Variants in SMPD3 observed in about 807,000 individuals in gnomAD.
SMPD3 encodes sphingomyelin phosphodiesterase 3, also known as nSMase-2.
In SMPD3, 21 loss-of-function variants were observed where a neutral mutation model predicts 55.7. The observed-to-expected ratio is 0.38, with a 90% CI of 0.27 to 0.54. SMPD3 has a LOEUF of 0.54. SMPD3 is among the 20% of genes least tolerant of loss of function. SMPD3 has a pLI of 0.80. For missense variants in SMPD3, 842 were observed against 899.6 expected, an observed-to-expected ratio of 0.94 and a Z score of 0.82; for synonymous variants, 457 against 404.3, an observed-to-expected ratio of 1.13 and a Z score of -1.56.
chr16:68,366,483 A>G (rs1010585814), intron 3 of SMPD3, among the ~76,000 whole-genome samples: 3 of 152,242 alleles, frequency 2.0e-5, no homozygotes, highest in Non-Finnish European at 4.4e-5. Flanking sequence ...GCCTAACAGC[A>G]TCCCCGCCCC....
At chr16:68,446,020 G>A (rs956409199) in intron 1 of SMPD3, among the ~76,000 whole-genome samples, 5 of 152,282 alleles carry the variant, frequency 3.3e-5, no homozygotes, top group Admixed American at 1.3e-4. Flanking sequence ...CAACGTCAGC[G>A]CCATGCCCTT....
At chr16:68,373,182 G>T (rs867034791) in intron 2 of SMPD3, among the ~76,000 whole-genome samples, 20 of 152,144 alleles carry the variant, frequency 1.3e-4, no homozygotes, top group African/African-American at 4.3e-4. Flanking sequence ...AGCTTTAACC[G>T]CTGTCCCTCA....
intron 1 of SMPD3, among the ~76,000 whole-genome samples, chr16:68,409,900 G>C (rs2090285302): frequency 6.6e-6 from 1 of 152,166 alleles, no homozygotes; most frequent in Admixed American, 6.5e-5. Flanking sequence ...CCAATGATTG[G>C]TTATTATCCT....
At chr16:68,405,591 G>T (rs1003340576) in intron 1 of SMPD3, among the ~76,000 whole-genome samples, 15 of 141,508 alleles carry the variant, frequency 1.1e-4, no homozygotes, top group African/African-American at 3.9e-4. Context: ...AATACAAAAA[G>T]AGAATAATTT....
At chr16:68,363,133 C>T (rs1390636168) in intron 7 of SMPD3, among the ~76,000 whole-genome samples, 8 of 152,164 alleles carry the variant, frequency 5.3e-5, no homozygotes, top group Non-Finnish European at 1.0e-4. Flanking sequence ...CTTCAGCAGG[C>T]GCCGTACCCA....
intron 2 of SMPD3, among the ~76,000 whole-genome samples, chr16:68,375,260 A>G (rs79978301): frequency 0.059 from 8,988 of 151,932 alleles, 365 homozygotes; most frequent in Non-Finnish European, 0.092. Context: ...CCCAGTCTGT[A>G]TCTAGGGGCC....
chr16:68,407,599 T>C (rs2090264637), intron 1 of SMPD3, among the ~76,000 whole-genome samples: 1 of 152,120 alleles, frequency 6.6e-6, no homozygotes, highest in African/African-American at 2.4e-5. Flanking sequence ...CCTCCCAAAG[T>C]GATGGGATTA....
chr16:68,419,056 G>A (rs1180353776), intron 1 of SMPD3, among the ~76,000 whole-genome samples: 3 of 152,306 alleles, frequency 2.0e-5, no homozygotes, highest in Admixed American at 2.0e-4. Flanking sequence ...TGGTCTATTT[G>A]TAGAAATAGG....
Position 68,404,787 on chromosome 16 carries a change from T to C in SMPD3, c.-268-18128A>G, listed in dbSNP as rs1398013285. Among the ~76,000 whole-genome samples, 1 of 152,166 alleles carries C rather than the reference T, an allele frequency of 6.6e-6. No homozygotes were observed. On this transcript the variant is annotated intron_variant, in intron 1 of 8. Transcript: ENST00000219334. This position sits in a 1 kb window ranked among gnomAD's most constrained non-coding sequence, Gnocchi z 4.0. ...TAGAAAATAAGTCTTTCCATCCAAA[T>C]TGGAAATGAAAAGGCCCTGGTACTT...
At chr16:68,414,745 C>T (rs886975975) in intron 1 of SMPD3, among the ~76,000 whole-genome samples, 1 of 152,244 alleles carries the variant, frequency 6.6e-6, no homozygotes, top group Admixed American at 6.5e-5. Context: ...GATTGAGTGG[C>T]ATGCCCTGAT....
chr16:68,384,594 G>C (rs899884452), intron 2 of SMPD3, among the ~76,000 whole-genome samples: 25 of 152,148 alleles, frequency 1.6e-4, no homozygotes, highest in Non-Finnish European at 2.9e-4. Flanking sequence ...TGACTCTGTG[G>C]GTTGTCTCTG....
chr16:68,391,583 C>T (rs1337808526), intron 1 of SMPD3, among the ~76,000 whole-genome samples: 1 of 152,106 alleles, frequency 6.6e-6, no homozygotes, highest in East Asian at 1.9e-4. Flanking sequence ...ATTCAGTGAT[C>T]AGTTATCCAT....
intron 1 of SMPD3, among the ~76,000 whole-genome samples, chr16:68,409,978 C>A (rs907609131): frequency 6.6e-6 from 1 of 152,352 alleles, no homozygotes; most frequent in East Asian, 1.9e-4. Flanking sequence ...AGAGGTTTCA[C>A]ACCTCATGGG....
At chr16:68,392,162 G>C (rs905012664) in intron 1 of SMPD3, among the ~76,000 whole-genome samples, 1 of 152,210 alleles carries the variant, frequency 6.6e-6, no homozygotes, top group Admixed American at 6.5e-5. Context: ...AGAGTGCTGG[G>C]ATTACAAGCA....
At chr16:68,428,146 C>T (rs1343089350) in intron 1 of SMPD3, among the ~76,000 whole-genome samples, 1 of 152,176 alleles carries the variant, frequency 6.6e-6, no homozygotes, top group Non-Finnish European at 1.5e-5. Flanking sequence ...GGGAAGTAAA[C>T]ATCATGGAGA....
chr16:68,417,797 C>A (rs562034548), intron 1 of SMPD3, among the ~76,000 whole-genome samples: 1 of 152,120 alleles, frequency 6.6e-6, no homozygotes, highest in African/African-American at 2.4e-5. Flanking sequence ...TCAAACCCTG[C>A]GTGGAATGAA....
chr16:68,435,400 G>T (rs899827645), intron 1 of SMPD3, among the ~76,000 whole-genome samples: 4 of 152,190 alleles, frequency 2.6e-5, no homozygotes, highest in Non-Finnish European at 5.9e-5. Context: ...ACCAGGTATT[G>T]CTCTAATATA....
chr16:68,439,166 G>C (rs1434493759), intron 1 of SMPD3, among the ~76,000 whole-genome samples: 1 of 152,168 alleles, frequency 6.6e-6, no homozygotes, highest in Non-Finnish European at 1.5e-5. Context: ...AAAGGTTAAA[G>C]CACTTGCCCA....
intron 1 of SMPD3, among the ~76,000 whole-genome samples, chr16:68,441,883 A>G (rs1253401151): frequency 2.0e-5 from 3 of 152,146 alleles, no homozygotes; most frequent in Non-Finnish European, 4.4e-5. Flanking sequence ...CTCCCATCTC[A>G]GCCTCCCAAG....
Sources: allele counts gnomAD v4.1 joint callset (sites outside exome capture counted in the v4.1 genomes callset), GRCh38; gene constraint gnomAD v4.1.1; non-coding constraint Gnocchi (gnomAD v3.1); transcripts MANE v1.5; gene names NCBI Gene and HGNC (gene_info 2026-07-23, HGNC 2026-07-21).